MECOM: variants seen among roughly 807,000 people sequenced by gnomAD.
The protein encoded by MECOM is histone-lysine N-methyltransferase MECOM.
A neutral mutation model predicts 116.3 loss-of-function variants in MECOM; 13 were observed. The observed-to-expected ratio is 0.11, with a 90% CI of 0.07 to 0.18. The LOEUF (loss-of-function observed/expected upper bound fraction) is 0.18, where lower values mean the gene tolerates loss of function less well. Among genes scored for constraint, MECOM ranks in the 10% least tolerant of loss-of-function variants. The pLI, the probability that MECOM is intolerant of heterozygous loss-of-function variation, is 1.00. For missense variants in MECOM, 1,299 were observed against 1,509.0 expected (o/e 0.86, Z 2.31); for synonymous variants, 528 against 535.2 (o/e 0.99, Z 0.19).
intron 12 of MECOM, among the ~76,000 whole-genome samples, chr3:169,095,592 TAAAC>T (rs1179887064): frequency 2.6e-5 from 4 of 152,144 alleles, no homozygotes; most frequent in African/African-American, 7.2e-5. Context: ...AATTTTTTTG[TAAAC>T]AAACAAAAAA....
At chr3:169,221,240 A>G (rs1267260297) in intron 2 of MECOM, among the ~76,000 whole-genome samples, 1 of 152,246 alleles carries the variant, frequency 6.6e-6, no homozygotes, top group Non-Finnish European at 1.5e-5. Context: ...AATGTTAACT[A>G]ATAGTATCAT....
intron 2 of MECOM, among the ~76,000 whole-genome samples, chr3:169,238,284 G>T (rs1754357278): frequency 6.6e-6 from 1 of 151,878 alleles, no homozygotes; most frequent in Non-Finnish European, 1.5e-5. Flanking sequence ...GCCCACAAAT[G>T]CCAGCTGTAG....
chr3:169,338,056 T>C (rs1356022644), intron 2 of MECOM, among the ~76,000 whole-genome samples: 7 of 152,228 alleles, frequency 4.6e-5, no homozygotes, highest in East Asian at 1.9e-4. Flanking sequence ...GTTTAAAGCA[T>C]AGCACTTATT....
chr3:169,531,496 G>A (rs536985684), intron 1 of MECOM, among the ~76,000 whole-genome samples: 1 of 152,242 alleles, frequency 6.6e-6, no homozygotes, highest in Non-Finnish European at 1.5e-5. Flanking sequence ...AGAGAGGCAA[G>A]ACATTTTTCC....
intron 1 of MECOM, among the ~76,000 whole-genome samples, chr3:169,662,135 T>A (rs1776360287): frequency 6.6e-6 from 1 of 152,222 alleles, no homozygotes; most frequent in Admixed American, 6.5e-5. Context: ...AGGCGAGTCA[T>A]CCAACACTTT....
intron 2 of MECOM, among the ~76,000 whole-genome samples, chr3:169,195,452 A>G (rs1748293860): frequency 6.6e-6 from 1 of 152,112 alleles, no homozygotes; most frequent in Admixed American, 6.6e-5. Flanking sequence ...ATAGTAGCTT[A>G]AGAAACAGCA....
intron 2 of MECOM, among the ~76,000 whole-genome samples, chr3:169,378,803 T>C (rs1731887893): frequency 6.6e-6 from 1 of 152,102 alleles, no homozygotes. Context: ...TTTGTTCAGT[T>C]ATGATAGGCT....
At chr3:169,456,650 C>T (rs989818360) in intron 1 of MECOM, among the ~76,000 whole-genome samples, 1 of 152,044 alleles carries the variant, frequency 6.6e-6, no homozygotes, top group Non-Finnish European at 1.5e-5. Flanking sequence ...TTTAACAAGC[C>T]CACTCCACGA....
intron 2 of MECOM, among the ~76,000 whole-genome samples, chr3:169,219,376 G>A (rs1751820720): frequency 6.6e-6 from 1 of 152,114 alleles, no homozygotes; most frequent in South Asian, 2.1e-4. Flanking sequence ...GCGTGGTGGT[G>A]GGCGCCTGTA....
chr3:169,215,584 ACTCTTATTATTAAAATTC>A (rs1340946034), intron 2 of MECOM, among the ~76,000 whole-genome samples: 1 of 151,994 alleles, frequency 6.6e-6, no homozygotes, highest in Admixed American at 6.6e-5. Flanking sequence ...TTGACTTTTT[ACTCTTATTATTAAAATTC>A]CTCATTAAAC....
chr3:169,127,822 G>A, intron 5 of MECOM, 22 bp downstream of exon 5: 1 of 1,593,798 alleles, frequency 6.3e-7, no homozygotes, highest in Non-Finnish European at 8.6e-7. Flanking sequence ...CAAGTTGTAT[G>A]GTACAACATG....
chr3:169,432,250 C>T (rs1197645295), intron 1 of MECOM, among the ~76,000 whole-genome samples: 1 of 152,024 alleles, frequency 6.6e-6, no homozygotes, highest in African/African-American at 2.4e-5. Context: ...CCTCTGCCTC[C>T]CAGGTTCAGG....
chr3:169,274,345 A>C (rs1368532469), intron 2 of MECOM, among the ~76,000 whole-genome samples: 1 of 152,228 alleles, frequency 6.6e-6, no homozygotes, highest in Non-Finnish European at 1.5e-5. Context: ...AATGAGAATA[A>C]GAAATCTAAT....
intron 3 of MECOM, among the ~76,000 whole-genome samples, chr3:169,136,679 T>C (rs772710206): frequency 1.3e-4 from 20 of 152,116 alleles, no homozygotes; most frequent in Non-Finnish European, 2.9e-4. Context: ...TTCATTATAC[T>C]AGAGAACAAA....
chr3:169,352,358 G>C (rs1229832364), intron 2 of MECOM, among the ~76,000 whole-genome samples: 1 of 151,718 alleles, frequency 6.6e-6, no homozygotes, highest in Non-Finnish European at 1.5e-5. Context: ...GACATATGTG[G>C]GCTAGGTATC....
At chr3:169,088,680 T>C (rs1279626354) in intron 16 of MECOM, among the ~76,000 whole-genome samples, 1 of 152,120 alleles carries the variant, frequency 6.6e-6, no homozygotes, top group Non-Finnish European at 1.5e-5. Flanking sequence ...TCTGAGGTAA[T>C]ACATAAATAT....
chr3:169,616,900 C>A (rs138945427), intron 1 of MECOM, among the ~76,000 whole-genome samples: 1 of 152,156 alleles, frequency 6.6e-6, no homozygotes, highest in African/African-American at 2.4e-5. Context: ...ATTTATGATA[C>A]CAAATCTGTT....
intron 6 of MECOM, 66 bp from the exon 7 acceptor site, chr3:169,121,275 G>A (rs1730945898): frequency 2.7e-6 from 4 of 1,454,672 alleles, no homozygotes; most frequent in South Asian, 2.8e-5. Context: ...GAAGACCCGG[G>A]ATGACTCAAG....
intron 1 of MECOM, among the ~76,000 whole-genome samples, chr3:169,395,887 G>C (rs1373045681): frequency 2.0e-5 from 3 of 152,126 alleles, no homozygotes; most frequent in African/African-American, 7.2e-5. Context: ...GCAGCACCAA[G>C]CATAGTGTCT....
Sources: allele counts gnomAD v4.1 joint callset (sites outside exome capture counted in the v4.1 genomes callset), GRCh38; gene constraint gnomAD v4.1.1; transcripts MANE v1.5; gene names NCBI Gene and HGNC (gene_info 2026-07-23, HGNC 2026-07-21).